SDC2: variants seen among roughly 807,000 people sequenced by gnomAD.
SDC2 encodes syndecan-2.
SDC2 carries 13 observed loss-of-function variants against 22.2 expected under a neutral mutation model. The observed-to-expected ratio is 0.59, with a 90% CI of 0.38 to 0.93. SDC2 has a LOEUF of 0.93. Ranked by LOEUF, SDC2 falls within the 40% of genes least tolerant of loss-of-function variation. The pLI, the probability that SDC2 is intolerant of heterozygous loss-of-function variation, is 0.00. For missense variants in SDC2, 235 were observed against 246.8 expected, an observed-to-expected ratio of 0.95 and a Z score of 0.32; for synonymous variants, 94 against 92.8, an observed-to-expected ratio of 1.01 and a Z score of -0.07.
intron 1 of SDC2, chr8:96,580,289 G>A (rs1004284599): frequency 1.6e-5 from 10 of 633,426 alleles, no homozygotes; most frequent in African/African-American, 2.0e-5. Flanking sequence ...GGCAAGAAGC[G>A]TGTCATTTTT....
chr8:96,511,334 T>C (rs1586272198), intron 1 of SDC2, among the ~76,000 whole-genome samples: 1 of 152,018 alleles, frequency 6.6e-6, no homozygotes, highest in Non-Finnish European at 1.5e-5. Flanking sequence ...AAAATGAGGG[T>C]CCCAGACCAG....
intron 2 of SDC2, among the ~76,000 whole-genome samples, chr8:96,600,884 C>T (rs1317963423): frequency 5.9e-5 from 9 of 151,960 alleles, no homozygotes; most frequent in Non-Finnish European, 1.3e-4. Flanking sequence ...TGGTAAAAGC[C>T]GATGATGTAA....
chr8:96,498,305 C>T (rs949399188), intron 1 of SDC2, among the ~76,000 whole-genome samples: 2 of 152,126 alleles, frequency 1.3e-5, no homozygotes, highest in African/African-American at 4.8e-5. Context: ...CAGTGGCCAG[C>T]GTGGAACTTC....
At chr8:96,506,703 G>A (rs1176691535) in intron 1 of SDC2, among the ~76,000 whole-genome samples, 3 of 152,016 alleles carry the variant, frequency 2.0e-5, no homozygotes, top group Non-Finnish European at 4.4e-5. Context: ...TATAGTAGGT[G>A]TTCAGTTAGA....
intron 3 of SDC2, among the ~76,000 whole-genome samples, chr8:96,607,473 A>G (rs1334012181): frequency 6.6e-6 from 1 of 152,216 alleles, no homozygotes; most frequent in Non-Finnish European, 1.5e-5. Flanking sequence ...ACACCCCAAA[A>G]TACAGTGCCA....
chr8:96,564,507 G>A (rs116613681), intron 1 of SDC2, among the ~76,000 whole-genome samples: 4,019 of 152,118 alleles, frequency 0.026, 158 homozygotes, highest in African/African-American at 0.088. Flanking sequence ...GGCCTTGACC[G>A]TAGAGTTGTG....
chr8:96,494,859 C>G (rs1813043813), intron 1 of SDC2, among the ~76,000 whole-genome samples: 1 of 152,176 alleles, frequency 6.6e-6, no homozygotes, highest in Non-Finnish European at 1.5e-5. Context: ...CGCGAGTGTC[C>G]AGAGAGAAAA....
At chr8:96,565,367 G>A (rs1381523588) in intron 1 of SDC2, among the ~76,000 whole-genome samples, 1 of 151,934 alleles carries the variant, frequency 6.6e-6, no homozygotes, top group Non-Finnish European at 1.5e-5. Context: ...TTACAGGCGT[G>A]AGCCACCGCA....
chr8:96,549,427 A>G (rs1353091288), intron 1 of SDC2, among the ~76,000 whole-genome samples: 2 of 152,200 alleles, frequency 1.3e-5, no homozygotes, highest in Admixed American at 6.5e-5. Context: ...TAGCCCTGAA[A>G]TGGGACCACA....
chr8:96,500,985 G>A (rs1048720430), intron 1 of SDC2, among the ~76,000 whole-genome samples: 1 of 152,154 alleles, frequency 6.6e-6, no homozygotes, highest in African/African-American at 2.4e-5. Flanking sequence ...AGCTGGTGGC[G>A]TGATAGCCAA....
At chr8:96,496,773 G>A (rs1049930413) in intron 1 of SDC2, among the ~76,000 whole-genome samples, 11 of 152,088 alleles carry the variant, frequency 7.2e-5, no homozygotes, top group African/African-American at 2.7e-4. Flanking sequence ...TAGCTCTGGG[G>A]GTAAAAAAGA....
intron 1 of SDC2, among the ~76,000 whole-genome samples, chr8:96,561,314 A>G (rs1189965682): frequency 6.6e-6 from 1 of 152,184 alleles, no homozygotes; most frequent in African/African-American, 2.4e-5. Flanking sequence ...TCTTCTAGCT[A>G]TGAGATTGTA....
chr8:96,536,340 A>G (rs1299236141), intron 1 of SDC2, among the ~76,000 whole-genome samples: 2 of 151,586 alleles, frequency 1.3e-5, no homozygotes, highest in Middle Eastern at 3.4e-3. Context: ...TATTATTTTG[A>G]GACAGGGTCT....
intron 1 of SDC2, among the ~76,000 whole-genome samples, chr8:96,496,799 A>T (rs1813083945): frequency 6.6e-6 from 1 of 152,214 alleles, no homozygotes; most frequent in Non-Finnish European, 1.5e-5. Context: ...TCAGGAACTA[A>T]GGCTCAAAAC....
Position 96,608,457 on chromosome 8 carries a change from A to C in SDC2, c.429A>C (p.Thr143=). ...EKHSDSLFKR[T]EVLAAVIAGG... ...ACTCAGACAGTCTGTTTAAACGGACAGAAGTCCTAGCAGGTGAGTAGCCTG... is the reference window on the plus strand; with the variant it reads ...ACTCAGACAGTCTGTTTAAACGGACCGAAGTCCTAGCAGGTGAGTAGCCTG... Residue 143 remains threonine (T), a synonymous_variant, in exon 4 of 5, where the codon ACA becomes ACC. Transcript: ENST00000302190. 6.2e-7 allele frequency: 1 copy of C among 1,612,688 alleles called. No homozygotes were observed. Among genetic ancestry groups the C allele is most frequent in the East Asian group, 2.2e-5 (1 of 44,854 alleles).
chr8:96,535,249 C>T (rs1233316239), intron 1 of SDC2, among the ~76,000 whole-genome samples: 1 of 152,090 alleles, frequency 6.6e-6, no homozygotes, highest in African/African-American at 2.4e-5. Context: ...CATCATGATT[C>T]GCCCGCCTTG....
At chr8:96,523,137 G>T (rs1563647785) in intron 1 of SDC2, among the ~76,000 whole-genome samples, 1 of 152,178 alleles carries the variant, frequency 6.6e-6, no homozygotes, top group Admixed American at 6.5e-5. Context: ...CTCTGAATTT[G>T]AAATCTTTCT....
At chr8:96,600,551 G>C (rs192045947) in intron 2 of SDC2, among the ~76,000 whole-genome samples, 1 of 152,206 alleles carries the variant, frequency 6.6e-6, no homozygotes, top group Non-Finnish European at 1.5e-5. Context: ...TAGGAAGAAG[G>C]CAGGTACAGT....
intron 1 of SDC2, among the ~76,000 whole-genome samples, chr8:96,582,943 G>A (rs1814613654): frequency 6.6e-6 from 1 of 152,034 alleles, no homozygotes; most frequent in Non-Finnish European, 1.5e-5. Context: ...TTTAAAACCT[G>A]AAATCTTGCA....
Sources: allele counts gnomAD v4.1 joint callset (sites outside exome capture counted in the v4.1 genomes callset), GRCh38; gene constraint gnomAD v4.1.1; transcripts MANE v1.5; gene names NCBI Gene and HGNC (gene_info 2026-07-23, HGNC 2026-07-21).